ELF1: variants seen among roughly 807,000 people sequenced by gnomAD.
ELF1 encodes the protein E74 like ETS transcription factor 1, also known as ETS-related transcription factor Elf-1.
A neutral mutation model predicts 59.9 loss-of-function variants in ELF1; 24 were observed. That is an observed-to-expected ratio of 0.40 (90% CI 0.29 to 0.56). The LOEUF (loss-of-function observed/expected upper bound fraction) is 0.56, where lower values mean the gene tolerates loss of function less well. Ranked by LOEUF, ELF1 falls within the 20% of genes least tolerant of loss-of-function variation. ELF1 has a pLI of 0.44. For missense variants in ELF1, 627 were observed against 742.2 expected, an observed-to-expected ratio of 0.84 and a Z score of 1.80; for synonymous variants, 248 against 266.2, an observed-to-expected ratio of 0.93 and a Z score of 0.67.
In ELF1 at chr13:40,970,248, C is replaced by G. The variant is rs9562258; in HGVS notation, c.73-11232G>C. On this transcript the variant is annotated intron_variant, in intron 2 of 8. Coordinates refer to ENST00000239882, the MANE Select transcript of ELF1 (RefSeq NM_172373.4). The stretch of plus-strand genomic sequence containing the variant: ...TAGTTGATACTCTAAAAGAGTGTTA[C>G]TAAATCAGAACTGGAATCTAGACTT... Among the ~76,000 whole-genome samples the G allele has an allele frequency of 2.5e-3, 386 of 152,272 alleles. 5 individuals are homozygous for G. In the East Asian group the frequency reaches 0.049, roughly 20 times the overall value.
chr13:40,975,176 T>G (rs1335247839), intron 2 of ELF1, among the ~76,000 whole-genome samples: 1 of 152,328 alleles, frequency 6.6e-6, no homozygotes, highest in East Asian at 1.9e-4. Flanking sequence ...CCTGCCCTTC[T>G]CATCACTGGC....
chr13:41,019,434 T>C, upstream of ELF1: 1 of 983,794 alleles, frequency 1.0e-6, no homozygotes, highest in Non-Finnish European at 1.2e-6. Flanking sequence ...CATGCAAATC[T>C]GCAGGTAAAA....
chr13:40,998,400 T>C (rs1055791622), intron 1 of ELF1, among the ~76,000 whole-genome samples: 4 of 152,220 alleles, frequency 2.6e-5, no homozygotes, highest in Non-Finnish European at 5.9e-5. Flanking sequence ...TACAGGTTTG[T>C]GGCCTAGGAG....
intron 1 of ELF1, among the ~76,000 whole-genome samples, chr13:41,007,095 G>C (rs1231752682): frequency 6.6e-6 from 1 of 151,962 alleles, no homozygotes; most frequent in Non-Finnish European, 1.5e-5. Flanking sequence ...CACTATAACA[G>C]AGAAATATCT....
At position 40,940,955 on chromosome 13, in the gene ELF1, C is replaced by T. The variant is rs569468307; in HGVS notation, c.1222G>A (p.Asp408Asn). The T allele has an allele frequency of 6.2e-7, 1 of 1,613,960 alleles. No individual in the cohort carries two copies. The highest frequency in any genetic ancestry group is 1.3e-5 in the African/African-American group (1 of 75,040). ...TGAACGGAAGAATTTAATGTTTCAT[C>T]CTGCATGGTACTGGTTCTAGCTGCT... ...GEAARTSTMQ[D>N]ETLNSSVQSI... is the part of the protein sequence containing the mutation. The change falls in exon 8 of 9, where the codon GAT becomes AAT. Residue 408 changes from aspartate to asparagine, a missense_variant. Asp to Asn is a conservative substitution (Grantham distance 23, BLOSUM62 1). This residue lies in a region of ELF1 where 361 missense variants were observed against 396.1 expected (regional missense o/e 0.91). Transcript: ENST00000239882.
At chr13:41,019,374 A>G (rs1401628220), upstream of ELF1, 1 of 985,274 alleles carries the variant, frequency 1.0e-6, no homozygotes. Context: ...AGTGTTTCTA[A>G]GGGAGGCACG....
intron 1 of ELF1, among the ~76,000 whole-genome samples, chr13:41,033,626 T>A (rs190669896): frequency 3.3e-5 from 5 of 152,180 alleles, no homozygotes; most frequent in African/African-American, 1.2e-4. Context: ...TAGATTCTCA[T>A]AGGAGAGGAA....
chr13:40,949,977 A>G lies in ELF1; in HGVS notation c.362-4T>C, dbSNP rs780500337. On this transcript the variant is annotated splice_region_variant and splice_polypyrimidine_tract_variant and intron_variant, in intron 4 of 8. Transcript: ENST00000239882. ...GGTGAACTAAATATATTATTATCTA[A>G]TGAAAATAAAATCAACTAATTATAG... The G allele has an allele frequency of 3.1e-6, 5 of 1,597,590 alleles. No individual in the cohort carries two copies. Among genetic ancestry groups the G allele is most frequent in the Non-Finnish European group, 4.3e-6 (5 of 1,172,392 alleles).
rs565303158 is a variant in ELF1 at position 41,001,310 on chromosome 13, G to T, written c.-229+17918C>A. 6.2e-4 allele frequency among the ~76,000 whole-genome samples: 94 copies of T among 151,990 alleles called. No individual in the cohort carries two copies. The Middle Eastern group carries it at 0.01, about 16-fold the overall frequency. On this transcript the variant is annotated intron_variant, in intron 1 of 8. Coordinates refer to ENST00000239882, the MANE Select transcript of ELF1 (RefSeq NM_172373.4). ...TTTAATTATTATTTATATGAAGGCTGGGCATGGTGGCTCATGCTTGTAATC... is the reference window on the plus strand; with the variant it reads ...TTTAATTATTATTTATATGAAGGCTTGGCATGGTGGCTCATGCTTGTAATC...
At chr13:41,037,850 C>T (rs924444098) in intron 1 of ELF1, among the ~76,000 whole-genome samples, 12 of 151,254 alleles carry the variant, frequency 7.9e-5, no homozygotes, top group Non-Finnish European at 1.8e-4. Context: ...CCTCAACAGA[C>T]ATTTCCCAAA....
intron 7 of ELF1, among the ~76,000 whole-genome samples, chr13:40,942,300 C>T (rs1316727523): frequency 2.6e-5 from 4 of 151,992 alleles, no homozygotes; most frequent in Non-Finnish European, 5.9e-5. Flanking sequence ...TCTGTCTATC[C>T]CCTAAAAGTC....
intron 1 of ELF1, among the ~76,000 whole-genome samples, chr13:41,040,439 T>C (rs1876559379): frequency 6.6e-6 from 1 of 152,160 alleles, no homozygotes; most frequent in Non-Finnish European, 1.5e-5. Context: ...GTATATGCAA[T>C]GATGGTCAAC....
chr13:40,958,761 C>T (rs1429135545), intron 3 of ELF1, 75 bp downstream of exon 3: 8 of 1,463,698 alleles, frequency 5.5e-6, no homozygotes, highest in Non-Finnish European at 7.2e-6. Context: ...CGTTTTATGC[C>T]CCCACATCCT....
chr13:40,932,119 C>T lies in ELF1; in HGVS notation c.*1306G>A, dbSNP rs774027380. 7 of 152,068 alleles carry T rather than the reference C, an allele frequency of 4.6e-5. No individual in the cohort carries two copies. Among genetic ancestry groups the T allele is most frequent in the Non-Finnish European group, 8.8e-5 (6 of 67,990 alleles). The allele number at this position is 152,068 out of a possible 1,614,324, so 9.4% of individuals were successfully genotyped here. On this transcript the variant is annotated 3_prime_UTR_variant, in exon 9 of 9. Coordinates refer to ENST00000239882, the MANE Select transcript of ELF1 (RefSeq NM_172373.4). ...CAAAATTTAAATTTTTGTTTAAATA[C>T]AAATTCACTCTGTAATATGAAAACA...
At chr13:40,996,848 A>C (rs1178157359) in intron 1 of ELF1, among the ~76,000 whole-genome samples, 1 of 152,036 alleles carries the variant, frequency 6.6e-6, no homozygotes, top group Non-Finnish European at 1.5e-5. Flanking sequence ...AAAAACAACA[A>C]TCCAGCAGTT....
At chr13:41,000,559 G>A (rs897183663) in intron 1 of ELF1, among the ~76,000 whole-genome samples, 2 of 151,856 alleles carry the variant, frequency 1.3e-5, no homozygotes, top group South Asian at 2.1e-4. Flanking sequence ...CTGCTTTATC[G>A]CTTTGTTGTA....
intron 1 of ELF1, among the ~76,000 whole-genome samples, chr13:40,997,385 G>T (rs1015670985): frequency 6.6e-6 from 1 of 152,000 alleles, no homozygotes; most frequent in African/African-American, 2.4e-5. Context: ...TGCCTCCCGA[G>T]TAGCTGGGAC....
intron 1 of ELF1, among the ~76,000 whole-genome samples, chr13:41,036,284 T>C (rs1876378875): frequency 6.6e-6 from 1 of 152,176 alleles, no homozygotes; most frequent in South Asian, 2.1e-4. Flanking sequence ...TCAAATAAGA[T>C]TTTAGACTCT....
chr13:41,039,031 TTCTA>T lies in ELF1; in HGVS notation c.-229+21803_-229+21806del, dbSNP rs1876499660. On this transcript the variant is annotated intron_variant, in intron 1 of 1. Transcript: ENST00000405737. ...CAAAAAAAAAAAAAAAAAAAAGACT[TTCTA>T]TGTATGACAAAAGGGCAGGAAAAAA... 2.0e-5 allele frequency among the ~76,000 whole-genome samples: 3 copies of T among 150,070 alleles called. No homozygotes were observed. In the South Asian group the frequency reaches 6.3e-4, roughly 32 times the overall value.
Sources: allele counts gnomAD v4.1 joint callset (sites outside exome capture counted in the v4.1 genomes callset), GRCh38; gene constraint gnomAD v4.1.1; regional missense constraint gnomAD v4.1.1; transcripts MANE v1.5; gene names NCBI Gene and HGNC (gene_info 2026-07-23, HGNC 2026-07-21).